ZC3H12C: variants seen among roughly 807,000 people sequenced by gnomAD.
ZC3H12C encodes probable ribonuclease ZC3H12C.
Under a neutral mutation model 76.3 loss-of-function variants are expected in ZC3H12C, and 20 were observed. That is an observed-to-expected ratio of 0.26 (90% CI 0.18 to 0.38). ZC3H12C has a LOEUF of 0.38. Among genes scored for constraint, ZC3H12C ranks in the 10% least tolerant of loss-of-function variants. The probability of loss-of-function intolerance (pLI) is 1.00; values close to 1 mark genes in which losing one functional copy is unlikely to be tolerated. For synonymous variants in ZC3H12C, 352 were observed against 399.6 expected (o/e 0.88, Z 1.42); for missense variants, 874 against 1,086.5 (o/e 0.80, Z 2.75).
chr11:110,124,253 G>C (rs1163852912), intron 1 of ZC3H12C: 2 of 152,174 alleles, frequency 1.3e-5, no homozygotes, highest in East Asian at 3.9e-4. Flanking sequence ...AATGGCCGAG[G>C]GCTCTGATAA....
chr11:110,097,852 C>T (rs1384199479), intron 1 of ZC3H12C, among the ~76,000 whole-genome samples: 3 of 152,138 alleles, frequency 2.0e-5, no homozygotes, highest in Admixed American at 6.5e-5. Context: ...TAGCCATCTC[C>T]TGATGTCATA....
intron 2 of ZC3H12C, among the ~76,000 whole-genome samples, chr11:110,152,352 A>T (rs11213285): frequency 6.6e-6 from 1 of 152,166 alleles, no homozygotes; most frequent in African/African-American, 2.4e-5. Context: ...TGTTTCTTCT[A>T]TGAGATTAAG....
rs1197708744 is a variant in ZC3H12C at position 110,169,370 on chromosome 11, G to GTA, written c.*3634_*3635insAT. 72 of 150,798 alleles carry GTA rather than the reference G, an allele frequency of 4.8e-4. No individual in the cohort carries two copies. Among genetic ancestry groups the GTA allele is most frequent in the African/African-American group, 1.7e-3 (71 of 40,740 alleles). 9.3% of individuals were successfully genotyped at this position (150,798 alleles called of 1,614,324 possible). ...TGTGTGTGTGTGTGTGTGTGTGTGT[G>GTA]TGTGTGTGTGTTTTGAAAACTCTCA... On this transcript the variant is annotated 3_prime_UTR_variant, in exon 6 of 6. Transcript: ENST00000278590.
chr11:110,114,552 G>A (rs781041512), intron 1 of ZC3H12C, among the ~76,000 whole-genome samples: 1 of 152,202 alleles, frequency 6.6e-6, no homozygotes, highest in African/African-American at 2.4e-5. Flanking sequence ...TCTTCCGTGA[G>A]TAAATTAATT....
chr11:110,105,903 A>C (rs1861314774), intron 1 of ZC3H12C, among the ~76,000 whole-genome samples: 1 of 152,218 alleles, frequency 6.6e-6, no homozygotes. Context: ...AAATGTATAT[A>C]TAGGTCTGTT....
rs201484401 is a variant in ZC3H12C, at chr11:110,165,521, C to G, written c.2436C>G (p.Leu812=). ...PCYEQFTFQS[L]PEQQEPAWRI... is the part of the protein sequence containing the mutation. The stretch of plus-strand genomic sequence containing the variant: ...ATGAGCAGTTCACCTTCCAGAGCCT[C>G]CCTGAGCAACAGGAGCCAGCCTGGC... The change falls in exon 6 of 6, where the codon CTC becomes CTG. Residue 812 remains leucine (L), a synonymous_variant. Coordinates refer to ENST00000278590, the MANE Select transcript of ZC3H12C (RefSeq NM_033390.2). 6.2e-7 allele frequency: 1 copy of G among 1,613,956 alleles called. No individual in the cohort carries two copies. Among genetic ancestry groups the G allele is most frequent in the East Asian group, 2.2e-5 (1 of 44,880 alleles).
At position 110,163,698 on chromosome 11, in the gene ZC3H12C, A is replaced by G. The variant is rs7109455; in HGVS notation, c.1255+319A>G. Among the ~76,000 whole-genome samples, 225 of 152,280 alleles carry G rather than the reference A, an allele frequency of 1.5e-3. 3 individuals carry two copies. The highest frequency in any genetic ancestry group is 4.8e-3 in the African/African-American group (201 of 41,558). Reference sequence around the variant, plus strand: ...CAGATGAGCATGGTTCTATCGCCCTACAGTAGTATACTGTGCTCTTCAAAA... The same window carrying G: ...CAGATGAGCATGGTTCTATCGCCCTGCAGTAGTATACTGTGCTCTTCAAAA... On this transcript the variant is annotated intron_variant, in intron 5 of 5. Coordinates refer to ENST00000278590, the MANE Select transcript of ZC3H12C (RefSeq NM_033390.2).
intron 2 of ZC3H12C, among the ~76,000 whole-genome samples, chr11:110,138,099 T>A (rs1024136813): frequency 2.6e-5 from 4 of 151,372 alleles, no homozygotes; most frequent in Admixed American, 2.0e-4. Flanking sequence ...TATAGCAAAA[T>A]ATATATATAT....
intron 1 of ZC3H12C, among the ~76,000 whole-genome samples, chr11:110,102,849 C>A (rs993571223): frequency 6.6e-6 from 1 of 152,198 alleles, no homozygotes; most frequent in Admixed American, 6.5e-5. Flanking sequence ...GACCTTTCAC[C>A]AGCAAAAGGA....
intron 1 of ZC3H12C, among the ~76,000 whole-genome samples, chr11:110,125,085 A>C (rs1861715781): frequency 6.6e-6 from 1 of 152,178 alleles, no homozygotes; most frequent in Non-Finnish European, 1.5e-5. Context: ...TTAAGAATGC[A>C]CTGTTGCAAC....
At chr11:110,121,721 CT>C (rs756238427) in intron 1 of ZC3H12C, among the ~76,000 whole-genome samples, 2 of 152,072 alleles carry the variant, frequency 1.3e-5, no homozygotes, top group South Asian at 4.1e-4. Context: ...ATTTTCCCAT[CT>C]TACAAGAACA....
intron 2 of ZC3H12C, among the ~76,000 whole-genome samples, chr11:110,138,783 TCTTGA>T (rs1862017370): frequency 6.6e-6 from 1 of 152,158 alleles, no homozygotes; most frequent in African/African-American, 2.4e-5. Flanking sequence ...GGTTTCAAAC[TCTTGA>T]CCTCAAGTGA....
intron 3 of ZC3H12C, among the ~76,000 whole-genome samples, 191 bp downstream of exon 3, chr11:110,153,249 A>G (rs10749954): frequency 0.69 from 104,548 of 151,868 alleles, 36,779 homozygotes; most frequent in South Asian, 0.79. Context: ...GTGCAGTGGT[A>G]CGATCTTGGC....
At chr11:110,114,633 T>C (rs1196525350) in intron 1 of ZC3H12C, among the ~76,000 whole-genome samples, 1 of 152,236 alleles carries the variant, frequency 6.6e-6, no homozygotes, top group Non-Finnish European at 1.5e-5. Flanking sequence ...ATTTTTCTGC[T>C]ACTCATGAAA....
Position 110,171,532 on chromosome 11 carries a change from A to G in ZC3H12C, c.*5795A>G, listed in dbSNP as rs1220141033. ...TGTAATGGAATCTTTACAATTCCCAAAACGGTATTTTAGACCTACTGGAAA... is the reference window on the plus strand; with the variant it reads ...TGTAATGGAATCTTTACAATTCCCAGAACGGTATTTTAGACCTACTGGAAA... On this transcript the variant is annotated 3_prime_UTR_variant, in exon 6 of 6. Transcript: ENST00000278590. 1 of 152,230 alleles carries G rather than the reference A, an allele frequency of 6.6e-6. No individual in the cohort carries two copies. The highest frequency in any genetic ancestry group is 1.5e-5 in the Non-Finnish European group (1 of 68,040). The allele number at this position is 152,230 out of a possible 1,614,324, so 9.4% of individuals were successfully genotyped here.
chr11:110,124,673 G>C (rs569143276), intron 1 of ZC3H12C, among the ~76,000 whole-genome samples: 2 of 152,318 alleles, frequency 1.3e-5, no homozygotes, highest in African/African-American at 4.8e-5. Flanking sequence ...TTAAGGCAAA[G>C]AGACATCTGT....
intron 3 of ZC3H12C, among the ~76,000 whole-genome samples, chr11:110,155,460 G>C (rs1183694063): frequency 1.3e-5 from 2 of 151,842 alleles, no homozygotes; most frequent in South Asian, 4.2e-4. Flanking sequence ...CTAAGAATAA[G>C]TTCCAAGAAA....
At chr11:110,117,386 C>G (rs186868144) in intron 1 of ZC3H12C, among the ~76,000 whole-genome samples, 1 of 151,844 alleles carries the variant, frequency 6.6e-6, no homozygotes, top group Non-Finnish European at 1.5e-5. Flanking sequence ...TTCTCTAAAT[C>G]TTTTATGTAG....
chr11:110,159,256 A>G lies in ZC3H12C; in HGVS notation c.914A>G (p.Asp305Gly). ...CATCCTACCGTCATTATTCTTGCAGATCAGGAAATTTTACGTAAATTAGAG... is the reference window on the plus strand; with the variant it reads ...CATCCTACCGTCATTATTCTTGCAGGTCAGGAAATTTTACGTAAATTAGAG... ...EQSRPDALIT[D>G]QEILRKLEKE... Residue 305 changes from aspartate (D) to glycine (G), a missense_variant and splice_region_variant, in exon 4 of 6, where the codon GAT (aspartate) becomes GGT (glycine). Physicochemically the swap from Asp to Gly is moderately conservative, Grantham distance 94. Coordinates refer to ENST00000278590, the MANE Select transcript of ZC3H12C (RefSeq NM_033390.2). 6.2e-7 allele frequency: 1 copy of G among 1,604,714 alleles called. No homozygotes were observed. Among genetic ancestry groups the G allele is most frequent in the Non-Finnish European group, 8.5e-7 (1 of 1,175,026 alleles).
Sources: gnomAD v4.1 joint callset for allele counts (sites outside exome capture counted in the v4.1 genomes callset) on GRCh38, gnomAD v4.1.1 for gene constraint, MANE v1.5 for transcripts, NCBI Gene and HGNC (gene_info 2026-07-23, HGNC 2026-07-21) for gene names.